The following PTPRD variants were observed in gnomAD, a reference collection of about 807,000 sequenced individuals.
PTPRD encodes the protein receptor-type tyrosine-protein phosphatase delta.
Under a neutral mutation model 214.5 loss-of-function variants are expected in PTPRD, and 34 were observed. That is an observed-to-expected ratio of 0.16 (90% CI 0.12 to 0.21). PTPRD has a LOEUF of 0.21. Ranked by LOEUF, PTPRD falls within the 10% of genes least tolerant of loss-of-function variation. The pLI is 1.00. For synonymous variants in PTPRD, 1,128 were observed against 845.7 expected (o/e 1.33, Z -5.79); for missense variants, 2,545 against 2,398.7 (o/e 1.06, Z -1.27).
At position 8,315,446 on chromosome 9, in the gene PTPRD, C is replaced by A; in HGVS notation, c.*2428G>T. The A allele has an allele frequency of 4.3e-6, 1 of 232,242 alleles. No homozygotes were observed. The highest frequency in any genetic ancestry group is 8.5e-6 in the Non-Finnish European group (1 of 117,142). The allele number at this position is 232,242 out of a possible 1,614,324, so 14.4% of individuals were successfully genotyped here. A position where few individuals can be genotyped will look rare whatever the true frequency, so the allele number is the denominator to read the frequency against. On this transcript the variant is annotated 3_prime_UTR_variant, in exon 46 of 46. Transcript: ENST00000381196. ...TCTGGATGATGCAATGTCTGTCTGA[C>A]CCCCTTTGTTTAACTAAAAGAAAAT...
chr9:8,356,216 T>C (rs2076962989), intron 39 of PTPRD, among the ~76,000 whole-genome samples: 1 of 152,160 alleles, frequency 6.6e-6, no homozygotes, highest in African/African-American at 2.4e-5. Context: ...TGAGTTTTCT[T>C]TGCAAGAAAC....
chr9:8,570,915 G>A (rs535035667), intron 14 of PTPRD, among the ~76,000 whole-genome samples: 42 of 151,820 alleles, frequency 2.8e-4, no homozygotes, highest in South Asian at 2.1e-4. Context: ...GGCTGAGAGC[G>A]CTCTACAAGG....
intron 7 of PTPRD, among the ~76,000 whole-genome samples, chr9:9,686,610 A>C (rs2097171481): frequency 6.6e-6 from 1 of 151,684 alleles, no homozygotes; most frequent in Admixed American, 6.6e-5. Context: ...ACATTTCTAC[A>C]TAAATTTTAT....
intron 11 of PTPRD, among the ~76,000 whole-genome samples, chr9:8,751,388 T>C (rs2093513138): frequency 6.7e-6 from 1 of 150,054 alleles, no homozygotes. Context: ...CCGGAAAGGC[T>C]TTCTACACTC....
intron 3 of PTPRD, among the ~76,000 whole-genome samples, chr9:10,058,656 G>A (rs1471721268): frequency 1.3e-5 from 2 of 151,990 alleles, no homozygotes; most frequent in Non-Finnish European, 2.9e-5. Flanking sequence ...CTCTCTTATG[G>A]GAATTTAAAA....
chr9:10,121,036 G>T (rs1563944418), intron 3 of PTPRD, among the ~76,000 whole-genome samples: 1 of 152,090 alleles, frequency 6.6e-6, no homozygotes, highest in Admixed American at 6.5e-5. Context: ...TTGTAGAATT[G>T]TATTATGGTT....
chr9:9,199,020 T>A (rs2099940320), intron 9 of PTPRD, among the ~76,000 whole-genome samples: 1 of 152,164 alleles, frequency 6.6e-6, no homozygotes, highest in Non-Finnish European at 1.5e-5. Context: ...AATATTTATA[T>A]AGTACCAAAG....
chr9:10,013,280 T>G (rs2096637512), intron 4 of PTPRD, among the ~76,000 whole-genome samples: 1 of 151,922 alleles, frequency 6.6e-6, no homozygotes, highest in Admixed American at 6.6e-5. Flanking sequence ...AGAATTTTAC[T>G]GTGCTAATGC....
chr9:9,797,136 A>G (rs921651269), intron 5 of PTPRD, among the ~76,000 whole-genome samples: 4 of 152,042 alleles, frequency 2.6e-5, no homozygotes, highest in Non-Finnish European at 4.4e-5. Flanking sequence ...AGAGTGTTAC[A>G]AAGTATTTGG....
At chr9:9,900,527 C>T (rs553298295) in intron 5 of PTPRD, among the ~76,000 whole-genome samples, 1 of 152,268 alleles carries the variant, frequency 6.6e-6, no homozygotes, top group Non-Finnish European at 1.5e-5. Flanking sequence ...GTCACAAGCG[C>T]AAGTCTCTAA....
At chr9:9,942,771 G>A (rs904419751) in intron 4 of PTPRD, among the ~76,000 whole-genome samples, 9 of 152,118 alleles carry the variant, frequency 5.9e-5, no homozygotes, top group African/African-American at 1.9e-4. Flanking sequence ...ATTTTTCTGT[G>A]AAATTTGTTA....
chr9:9,734,423 T>G (rs148609643), intron 7 of PTPRD, 110 bp downstream of exon 7: 1 of 150,404 alleles, frequency 6.6e-6, no homozygotes, highest in African/African-American at 2.5e-5. Flanking sequence ...GGGGAGATTT[T>G]TTTTTAAGGA....
chr9:10,338,573 T>A lies in PTPRD; in HGVS notation c.-545+2390A>T, dbSNP rs112190445. Among the ~76,000 whole-genome samples the A allele has an allele frequency of 5.8e-4, 88 of 151,910 alleles. 1 individual carries two copies. Among genetic ancestry groups the A allele is most frequent in the African/African-American group, 1.6e-3 (66 of 41,510 alleles). ...TATAGATAAAGGTGTAGTGTTATCT[T>A]TCTTTCCCACCCCAAACTGTACTCA... is the stretch of plus-strand genomic sequence containing the variant. On this transcript the variant is annotated intron_variant, in intron 3 of 45. Coordinates refer to ENST00000381196, the MANE Select transcript of PTPRD (RefSeq NM_002839.4).
rs1245471502 is a variant in PTPRD, at chr9:10,612,685, TACCTGC to T, written c.-711_-708+2del. The T allele has an allele frequency of 1.3e-5, 2 of 152,334 alleles. No homozygotes were observed. The highest frequency in any genetic ancestry group is 4.8e-5 in the African/African-American group (2 of 41,442). 9.4% of individuals were successfully genotyped at this position (152,334 alleles called of 1,614,324 possible). A position where few individuals can be genotyped will look rare whatever the true frequency, so the allele number is the denominator to read the frequency against. On this transcript the variant is annotated splice_donor_variant and 5_prime_UTR_variant, in exon 1 of 46. Transcript: ENST00000381196. LOFTEE classifies it low-confidence loss of function (5UTR_SPLICE). Reference sequence around the variant, plus strand: ...CCTGCTAATTATTCTGAAGGCAAAGTACCTGCACTCTCCCCGCCGAGGCTGGCTGGC... The same window carrying T: ...CCTGCTAATTATTCTGAAGGCAAAGTACTCTCCCCGCCGAGGCTGGCTGGC...
chr9:9,895,604 G>C (rs914234839), intron 5 of PTPRD, among the ~76,000 whole-genome samples: 2 of 151,994 alleles, frequency 1.3e-5, no homozygotes, highest in African/African-American at 4.8e-5. Context: ...GGAGAGGGAG[G>C]GTTTGGAAAA....
chr9:8,728,423 C>G (rs1296945016), intron 12 of PTPRD, among the ~76,000 whole-genome samples: 1 of 152,156 alleles, frequency 6.6e-6, no homozygotes, highest in Non-Finnish European at 1.5e-5. Flanking sequence ...ATCTTGAACT[C>G]CTGTCCTCAA....
chr9:9,865,211 A>G (rs1196658140), intron 5 of PTPRD, among the ~76,000 whole-genome samples: 3 of 152,228 alleles, frequency 2.0e-5, no homozygotes, highest in South Asian at 2.1e-4. Context: ...ATCTATTTAC[A>G]TTTGAAAATC....
intron 10 of PTPRD, among the ~76,000 whole-genome samples, chr9:9,088,888 T>C (rs1014739192): frequency 2.0e-5 from 3 of 152,172 alleles, no homozygotes; most frequent in African/African-American, 7.2e-5. Flanking sequence ...CTCAATGTGT[T>C]ATAATAGGTA....
At chr9:8,907,005 G>T (rs2098712493) in intron 11 of PTPRD, among the ~76,000 whole-genome samples, 1 of 152,042 alleles carries the variant, frequency 6.6e-6, no homozygotes, top group African/African-American at 2.4e-5. Context: ...AGTTAGGACA[G>T]AATTGAAAAC....
Sources: gnomAD v4.1 joint callset for allele counts (sites outside exome capture counted in the v4.1 genomes callset) on GRCh38, gnomAD v4.1.1 for gene constraint, MANE v1.5 for transcripts, NCBI Gene and HGNC (gene_info 2026-07-23, HGNC 2026-07-21) for gene names.